The following MYOM1 variants were observed in gnomAD, a reference collection of about 807,000 sequenced individuals.
MYOM1 encodes myomesin-1.
MYOM1 carries 164 observed loss-of-function variants against 205.3 expected under a neutral mutation model. The ratio of observed to expected loss-of-function variants is 0.80; its 90% CI spans 0.70 to 0.91. The LOEUF is 0.91. MYOM1 is among the 40% of genes least tolerant of loss of function. The pLI, the probability that MYOM1 is intolerant of heterozygous loss-of-function variation, is 0.00. For missense variants in MYOM1, 2,011 were observed against 2,127.3 expected (o/e 0.95, Z 1.08); for synonymous variants, 772 against 789.4 (o/e 0.98, Z 0.37).
At chr18:3,205,349 C>T (rs2081113557) in intron 2 of MYOM1, among the ~76,000 whole-genome samples, 1 of 151,896 alleles carries the variant, frequency 6.6e-6, no homozygotes. Context: ...GTATCCAAAC[C>T]ATTTAAATAA....
At chr18:3,159,047 T>A (rs2080342924) in intron 10 of MYOM1, among the ~76,000 whole-genome samples, 1 of 151,586 alleles carries the variant, frequency 6.6e-6, no homozygotes, top group African/African-American at 2.4e-5. Flanking sequence ...CCTCTCTGCA[T>A]GAGAGAGAGC....
At chr18:3,134,085 CCT>C (rs2079916126) in intron 16 of MYOM1, among the ~76,000 whole-genome samples, 1 of 47,514 alleles carries the variant, frequency 2.1e-5, no homozygotes, top group African/African-American at 1.1e-4. Context: ...GTCTCAAACT[CCT>C]GGGCTCAAGC....
chr18:3,208,661 A>T (rs1458952587), intron 2 of MYOM1, among the ~76,000 whole-genome samples: 1 of 152,208 alleles, frequency 6.6e-6, no homozygotes, highest in Admixed American at 6.5e-5. Context: ...TAAATACTGG[A>T]AGACAAACCT....
At position 3,160,705 on chromosome 18, in the gene MYOM1, C is replaced by T. The variant is rs186208859; in HGVS notation, c.1501+3573G>A. ...TTCACAATGCAATTGCTGAAATTTA[C>T]CTTTCCAATTTTGCCTTTTCTATTT... On this transcript the variant is annotated intron_variant, in intron 10 of 37. Coordinates refer to ENST00000356443, the MANE Select transcript of MYOM1 (RefSeq NM_003803.4). Among the ~76,000 whole-genome samples the T allele has an allele frequency of 3.9e-5, 6 of 152,228 alleles. No homozygotes were observed. In the East Asian group the frequency reaches 5.8e-4, roughly 15 times the overall value.
At chr18:3,110,899 G>A (rs2079516895) in intron 22 of MYOM1, among the ~76,000 whole-genome samples, 1 of 150,980 alleles carries the variant, frequency 6.6e-6, no homozygotes, top group Admixed American at 6.6e-5. Context: ...TACGGTTCTA[G>A]CAGATGAAAG....
intron 29 of MYOM1, 37 bp from the exon 30 acceptor site, chr18:3,086,188 G>GA: frequency 1.5e-6 from 2 of 1,345,216 alleles, no homozygotes; most frequent in Non-Finnish European, 2.1e-6. Context: ...CTTAAAATAA[G>GA]AAAGTGTACT....
chr18:3,071,573 G>C (rs551010224), intron 37 of MYOM1, among the ~76,000 whole-genome samples: 88 of 152,204 alleles, frequency 5.8e-4, no homozygotes, highest in Middle Eastern at 3.4e-3. Context: ...TGGCCAGGCT[G>C]GTCTTGAACT....
intron 8 of MYOM1, among the ~76,000 whole-genome samples, chr18:3,172,714 T>C (rs1003182833): frequency 3.3e-5 from 5 of 152,176 alleles, no homozygotes; most frequent in African/African-American, 1.2e-4. Flanking sequence ...TTCATGATGT[T>C]GCACCAGGCT....
rs10625884 is a variant in MYOM1 at position 3,154,616 on chromosome 18, TACACAC to T, written c.1643+325_1643+330del. The stretch of plus-strand genomic sequence containing the variant: ...TCAGCGTTTCTAAGTACCTACTCAA[TACACAC>T]ACACACACACACACACACACACACA... On this transcript the variant is annotated intron_variant, in intron 11 of 37. Coordinates refer to ENST00000356443, the MANE Select transcript of MYOM1 (RefSeq NM_003803.4). 0.061 allele frequency among the ~76,000 whole-genome samples: 8,843 copies of T among 145,688 alleles called. 648 individuals carry two copies. The highest frequency in any genetic ancestry group is 0.18 in the African/African-American group (7,057 of 39,530).
Position 3,129,498 on chromosome 18 carries a change from A to C in MYOM1, c.2528T>G (p.Val843Gly). 1 of 1,611,710 alleles carries C rather than the reference A, an allele frequency of 6.2e-7. No homozygotes were observed. Among genetic ancestry groups the C allele is most frequent in the East Asian group, 2.2e-5 (1 of 44,864 alleles). ...AAIGGGVSPD[V>G]CPALSDEPGG... ...AGGCTCATCGCTCAGTGCGGGACAC[A>C]CATCTGGAGACACTCCTCCCCCTAC... Residue 843 changes from valine (V) to glycine (G), a missense_variant, in exon 18 of 38, where the codon GTG (valine) becomes GGG (glycine). Val to Gly is a moderately radical substitution (Grantham distance 109). Transcript: ENST00000356443.
At position 3,086,381 on chromosome 18, in the gene MYOM1, G is replaced by GA. The variant is rs143964921; in HGVS notation, c.4138-231dup. ...CAATAGCATCTCTATTTCCAGCAGT[G>GA]AAAATTGACTCTAAAATCATGTGGT... On this transcript the variant is annotated intron_variant, in intron 29 of 37. Transcript: ENST00000356443. 0.062 allele frequency among the ~76,000 whole-genome samples: 9,364 copies of GA among 152,096 alleles called. 920 individuals are homozygous for GA. Among genetic ancestry groups the GA allele is most frequent in the African/African-American group, 0.21 (8,804 of 41,436 alleles).
chr18:3,116,320 C>A lies in MYOM1; in HGVS notation c.3303+11G>T, dbSNP rs368597939. 1.9e-5 allele frequency: 31 copies of A among 1,609,102 alleles called. No homozygotes were observed. In the South Asian group the frequency reaches 2.0e-4, roughly 10 times the overall value. On this transcript the variant is annotated intron_variant, in intron 21 of 37. Coordinates refer to ENST00000356443, the MANE Select transcript of MYOM1 (RefSeq NM_003803.4). ...TAGTAGAGGAAGCTCTAGAACTGAGCAGCCTCTTACCTTCAGGTATACGTT... is the reference window on the plus strand; with the variant it reads ...TAGTAGAGGAAGCTCTAGAACTGAGAAGCCTCTTACCTTCAGGTATACGTT...
chr18:3,113,368 T>G (rs1251000354), intron 21 of MYOM1, among the ~76,000 whole-genome samples: 2 of 151,610 alleles, frequency 1.3e-5, no homozygotes, highest in Non-Finnish European at 1.5e-5. Context: ...TTCACTCTGT[T>G]GCTCAGGCGG....
At chr18:3,173,573 CGTGTGTGTGT>C (rs71159051) in intron 8 of MYOM1, among the ~76,000 whole-genome samples, 3,494 of 136,982 alleles carry the variant, frequency 0.026, 51 homozygotes, top group African/African-American at 0.027. Context: ...AGTCCAGACT[CGTGTGTGTGT>C]GTGTGTGTGT....
Position 3,189,102 on chromosome 18 carries a change from T to C in MYOM1, c.432-15A>G, listed in dbSNP as rs2080869075. 2.5e-6 allele frequency: 4 copies of C among 1,602,166 alleles called. No individual in the cohort carries two copies. The highest frequency in any genetic ancestry group is 1.1e-5 in the South Asian group (1 of 90,116). ...CATGCTTTTGACTAAAACACAACAATGGCAAAATGTAGATGTTGTGGATGG... is the reference window on the plus strand; with the variant it reads ...CATGCTTTTGACTAAAACACAACAACGGCAAAATGTAGATGTTGTGGATGG... On this transcript the variant is annotated splice_polypyrimidine_tract_variant and intron_variant, in intron 3 of 37. Coordinates refer to ENST00000356443, the MANE Select transcript of MYOM1 (RefSeq NM_003803.4). The surrounding 1 kb of genome is among the most constrained non-coding windows in gnomAD (Gnocchi z 4.8).
At position 3,119,919 on chromosome 18, in the gene MYOM1, G is replaced by A; in HGVS notation, c.3068C>T (p.Ser1023Phe). 1 of 1,612,682 alleles carries A rather than the reference G, an allele frequency of 6.2e-7. No individual in the cohort carries two copies. The highest frequency in any genetic ancestry group is 8.5e-7 in the Non-Finnish European group (1 of 1,179,454). The change falls in exon 20 of 38, where the codon TCC (serine) becomes TTC (phenylalanine). Residue 1023 changes from serine (S) to phenylalanine (F), a missense_variant. Coordinates refer to ENST00000356443, the MANE Select transcript of MYOM1 (RefSeq NM_003803.4). The part of the protein sequence containing the change: ...AMNMAGLGAP[S>F]AVSECFKCEE... ...ACATTTGAAGCATTCGCTTACTGCG[G>A]AGGGCGCGCCCAGCCCAGCCATGTT... is the stretch of plus-strand genomic sequence containing the variant.
intron 37 of MYOM1, among the ~76,000 whole-genome samples, chr18:3,069,530 A>G (rs2078937582): frequency 6.6e-6 from 1 of 152,204 alleles, no homozygotes; most frequent in Non-Finnish European, 1.5e-5. Flanking sequence ...TCACTAATTA[A>G]TATTTCTTAC....
At chr18:3,122,531 G>T (rs1008978374) in intron 19 of MYOM1, among the ~76,000 whole-genome samples, 1 of 152,110 alleles carries the variant, frequency 6.6e-6, no homozygotes, top group African/African-American at 2.4e-5. Context: ...TTAATAAAGG[G>T]AGACTATCCT....
chr18:3,068,178 T>G (rs2078919606), intron 37 of MYOM1, among the ~76,000 whole-genome samples: 2 of 152,212 alleles, frequency 1.3e-5, no homozygotes, highest in African/African-American at 2.4e-5. Context: ...TAGATATGTA[T>G]GTAGACACAA....
Sources: allele counts gnomAD v4.1 joint callset (sites outside exome capture counted in the v4.1 genomes callset), GRCh38; gene constraint gnomAD v4.1.1; non-coding constraint Gnocchi (gnomAD v3.1); transcripts MANE v1.5; gene names NCBI Gene and HGNC (gene_info 2026-07-23, HGNC 2026-07-21).